Variants in KPNA1 observed in about 807,000 individuals in gnomAD.
KPNA1 encodes the protein importin subunit alpha-5.
KPNA1 carries 10 observed loss-of-function variants against 70.5 expected under a neutral mutation model. The ratio of observed to expected loss-of-function variants is 0.14; its 90% CI spans 0.09 to 0.24. The LOEUF (loss-of-function observed/expected upper bound fraction) is 0.24. Ranked by LOEUF, KPNA1 falls within the 10% of genes least tolerant of loss-of-function variation. The pLI is 1.00. For synonymous variants in KPNA1, 192 were observed against 221.9 expected (o/e 0.87, Z 1.20); for missense variants, 397 against 637.9 (o/e 0.62, Z 4.07).
intron 9 of KPNA1, among the ~76,000 whole-genome samples, chr3:122,444,811 C>G (rs973756717): frequency 1.3e-5 from 2 of 152,200 alleles, no homozygotes; most frequent in Non-Finnish European, 2.9e-5. Flanking sequence ...GCTGAGGGAA[C>G]TGACTGTTAG....
intron 9 of KPNA1, among the ~76,000 whole-genome samples, chr3:122,443,564 A>AGGT (rs1338869381): frequency 1.3e-5 from 2 of 152,160 alleles, no homozygotes; most frequent in Non-Finnish European, 2.9e-5. Flanking sequence ...ATTTCAATGT[A>AGGT]GGTTCTTTTC....
chr3:122,451,706 T>C (rs1289859024), intron 7 of KPNA1, 73 bp from the exon 8 acceptor site: 4 of 978,124 alleles, frequency 4.1e-6, no homozygotes, highest in Non-Finnish European at 6.3e-6. Flanking sequence ...TACTAAATAA[T>C]AATACTTTTG....
Position 122,461,220 on chromosome 3 carries a change from G to A in KPNA1, c.432+4C>T, listed in dbSNP as rs200572738. On this transcript the variant is annotated splice_donor_region_variant and intron_variant, in intron 5 of 13. Coordinates refer to ENST00000344337, the MANE Select transcript of KPNA1 (RefSeq NM_002264.4). ...ATGAGGCAATAAATAAAAATTATTC[G>A]CACCTGCAGTGTACAATTCTCTTTT... 4.5e-6 allele frequency: 7 copies of A among 1,554,236 alleles called. No homozygotes were observed. The highest frequency in any genetic ancestry group is 2.4e-5 in the South Asian group (2 of 83,316).
chr3:122,492,178 T>C (rs535266870), intron 2 of KPNA1, among the ~76,000 whole-genome samples: 44 of 152,294 alleles, frequency 2.9e-4, no homozygotes, highest in African/African-American at 1.1e-3. Context: ...ACATTTTAAC[T>C]ATGCTTTCTT....
chr3:122,445,863 G>T (rs2076130281), intron 9 of KPNA1, among the ~76,000 whole-genome samples: 1 of 152,214 alleles, frequency 6.6e-6, no homozygotes, highest in South Asian at 2.1e-4. Flanking sequence ...AAAAGCAGGG[G>T]TTGCAATCCT....
At chr3:122,507,452 AAAAG>A (rs2076903052) in intron 1 of KPNA1, among the ~76,000 whole-genome samples, 1 of 151,746 alleles carries the variant, frequency 6.6e-6, no homozygotes, top group Non-Finnish European at 1.5e-5. Context: ...AAAAAAAAAA[AAAAG>A]AAAAGAGAAG....
intron 1 of KPNA1, among the ~76,000 whole-genome samples, chr3:122,499,728 C>T (rs1426084227): frequency 6.6e-6 from 1 of 150,606 alleles, no homozygotes; most frequent in African/African-American, 2.4e-5. Context: ...CACTGTACTC[C>T]AGCCTGGGTG....
At chr3:122,463,516 TAAA>T (rs532512930) in intron 4 of KPNA1, among the ~76,000 whole-genome samples, 3 of 137,236 alleles carry the variant, frequency 2.2e-5, no homozygotes, top group Non-Finnish European at 1.6e-5. Context: ...GAGCCGTCTT[TAAA>T]AAAAAAAAAA....
chr3:122,508,965 G>A (rs1338268385), intron 1 of KPNA1, among the ~76,000 whole-genome samples: 1 of 152,180 alleles, frequency 6.6e-6, no homozygotes, highest in East Asian at 1.9e-4. Context: ...AGAATGAGAG[G>A]CTGGACGCGG....
intron 2 of KPNA1, among the ~76,000 whole-genome samples, chr3:122,494,647 G>GT (rs2076737008): frequency 1.3e-5 from 2 of 152,108 alleles, no homozygotes; most frequent in South Asian, 4.1e-4. Context: ...TCCTAGGATT[G>GT]TTTTTTCTTA....
At chr3:122,462,344 G>C (rs550086559) in intron 4 of KPNA1, among the ~76,000 whole-genome samples, 1 of 152,160 alleles carries the variant, frequency 6.6e-6, no homozygotes, top group South Asian at 2.1e-4. Context: ...AAAGCACTAG[G>C]GAGTTTAGTT....
Position 122,454,053 on chromosome 3 carries a change from T to C in KPNA1, c.433-52A>G. ...ATCTTTTTAGAATGTAAAAGTTTGTTTACTTATAACAGTAACATTTTCTGT... is the reference window on the plus strand; with the variant it reads ...ATCTTTTTAGAATGTAAAAGTTTGTCTACTTATAACAGTAACATTTTCTGT... On this transcript the variant is annotated intron_variant, in intron 5 of 13. Transcript: ENST00000344337. 2 of 1,339,206 alleles carry C rather than the reference T, an allele frequency of 1.5e-6. 1 individual carries two copies. The allele number at this position is 1,339,206 out of a possible 1,614,324, so 83.0% of individuals were successfully genotyped here. A position where few individuals can be genotyped will look rare whatever the true frequency, so the allele number is the denominator to read the frequency against.
At chr3:122,435,516 T>G (rs2107720827) in intron 11 of KPNA1, among the ~76,000 whole-genome samples, 1 of 152,346 alleles carries the variant, frequency 6.6e-6, no homozygotes, top group South Asian at 2.1e-4. Context: ...AAGCCAATCG[T>G]GCTCAGCATA....
Position 122,477,608 on chromosome 3 carries a change from G to C in KPNA1, c.130-10179C>G, listed in dbSNP as rs76730118. Among the ~76,000 whole-genome samples, 1,150 of 152,154 alleles carry C rather than the reference G, an allele frequency of 7.6e-3. 10 individuals carry two copies. Among genetic ancestry groups the C allele is most frequent in the Non-Finnish European group, 0.014 (919 of 68,008 alleles). ...CCAGCTACTCAAAAGGCTAAGGTGGGAGCTCCAGGCTACGGTGACCCACAA... is the reference window on the plus strand; with the variant it reads ...CCAGCTACTCAAAAGGCTAAGGTGGCAGCTCCAGGCTACGGTGACCCACAA... On this transcript the variant is annotated intron_variant, in intron 2 of 13. Transcript: ENST00000344337.
chr3:122,431,527 A>G (rs1010939159), intron 12 of KPNA1, among the ~76,000 whole-genome samples: 11 of 152,188 alleles, frequency 7.2e-5, no homozygotes, highest in Non-Finnish European at 1.2e-4. Flanking sequence ...AAGCAGCAGA[A>G]GCCAGATAGA....
intron 9 of KPNA1, among the ~76,000 whole-genome samples, chr3:122,445,972 C>A (rs1393095944): frequency 6.6e-6 from 1 of 152,190 alleles, no homozygotes; most frequent in Non-Finnish European, 1.5e-5. Flanking sequence ...GAAGAGCTAA[C>A]TATCCTAAAT....
At chr3:122,485,125 GC>G (rs1221901066) in intron 2 of KPNA1, among the ~76,000 whole-genome samples, 4 of 152,060 alleles carry the variant, frequency 2.6e-5, no homozygotes, top group Non-Finnish European at 5.9e-5. Flanking sequence ...CCTTACCCAG[GC>G]TGGTCTCAAA....
Position 122,500,671 on chromosome 3 carries a change from CTGGGGG to C in KPNA1, c.-5-4107_-5-4102del, listed in dbSNP as rs1246306531. Among the ~76,000 whole-genome samples, 107 of 151,784 alleles carry C rather than the reference CTGGGGG, an allele frequency of 7.0e-4. 1 individual carries two copies. The South Asian group carries it at 0.021, about 30-fold the overall frequency. ...GCCCAGATTATTATTATATATTGGG[CTGGGGG>C]GCTAGGGGGATAGAGATAGGGTCTC... On this transcript the variant is annotated intron_variant, in intron 1 of 13. Coordinates refer to ENST00000344337, the MANE Select transcript of KPNA1 (RefSeq NM_002264.4).
chr3:122,488,167 G>C (rs2076651888), intron 2 of KPNA1, among the ~76,000 whole-genome samples: 1 of 152,156 alleles, frequency 6.6e-6, no homozygotes, highest in Admixed American at 6.5e-5. Flanking sequence ...GACCATGGAA[G>C]ACTGCTAAAA....
Sources: allele counts gnomAD v4.1 joint callset (sites outside exome capture counted in the v4.1 genomes callset), GRCh38; gene constraint gnomAD v4.1.1; transcripts MANE v1.5; gene names NCBI Gene and HGNC (gene_info 2026-07-23, HGNC 2026-07-21).